PPFIBP2: variants seen among roughly 807,000 people sequenced by gnomAD.
The protein encoded by PPFIBP2 is liprin-beta-2.
PPFIBP2 carries 118 observed loss-of-function variants against 118.3 expected under a neutral mutation model. The ratio of observed to expected loss-of-function variants is 1.00; its 90% CI spans 0.86 to 1.16. PPFIBP2 has a LOEUF of 1.16. PPFIBP2 is among the 50% of genes most tolerant of loss of function. PPFIBP2 has a pLI of 0.00. For missense variants in PPFIBP2, 1,195 were observed against 1,073.1 expected (o/e 1.11, Z -1.59); for synonymous variants, 414 against 397.4 (o/e 1.04, Z -0.50).
intron 11 of PPFIBP2, chr11:7,632,510 T>C (rs1590711574): frequency 5.9e-6 from 1 of 168,574 alleles, no homozygotes. Flanking sequence ...AAGAATGTTT[T>C]TAAAAGAGTC....
intron 1 of PPFIBP2, among the ~76,000 whole-genome samples, chr11:7,547,120 G>C (rs1171355323): frequency 6.6e-6 from 1 of 152,232 alleles, no homozygotes; most frequent in Non-Finnish European, 1.5e-5. Flanking sequence ...CATAGAACAA[G>C]ATACTGTGGA....
At chr11:7,557,294 T>C (rs1157911115) in intron 2 of PPFIBP2, among the ~76,000 whole-genome samples, 2 of 152,104 alleles carry the variant, frequency 1.3e-5, no homozygotes, top group Admixed American at 1.3e-4. Context: ...TGCTTTCCTT[T>C]TCTTTAAGGT....
At chr11:7,626,546 C>T (rs750176945) in intron 8 of PPFIBP2, among the ~76,000 whole-genome samples, 5 of 152,192 alleles carry the variant, frequency 3.3e-5, no homozygotes, top group Non-Finnish European at 7.3e-5. Flanking sequence ...AAGAGCATAT[C>T]TACAAAGCCC....
intron 4 of PPFIBP2, among the ~76,000 whole-genome samples, chr11:7,596,142 CAT>C: frequency 6.6e-6 from 1 of 152,324 alleles, no homozygotes; most frequent in Admixed American, 6.5e-5. Context: ...ATCACCAACA[CAT>C]GGCCTCAAGG....
intron 17 of PPFIBP2, 130 bp downstream of exon 17, chr11:7,642,556 A>G (rs1852356307): frequency 2.9e-6 from 3 of 1,028,424 alleles, no homozygotes; most frequent in Non-Finnish European, 4.1e-6. Flanking sequence ...TCCCCAGTCA[A>G]GCAGTCCCTA....
chr11:7,665,991 G>C, the PPFIBP2 span: 17 of 1,317,642 alleles, frequency 1.3e-5, no homozygotes, highest in Non-Finnish European at 1.7e-5. Flanking sequence ...GCGCCTGTGG[G>C]GTGCTCTGTG....
chr11:7,665,357 C>A, the PPFIBP2 span: 2 of 1,485,414 alleles, frequency 1.3e-6, no homozygotes, highest in African/African-American at 1.4e-5. Flanking sequence ...TGCAAAATTG[C>A]TGAGCACGTG....
At position 7,652,970 on chromosome 11, in the gene PPFIBP2, A is replaced by G. The variant is rs1056697122; in HGVS notation, c.2437-54A>G. ...AAATTTTAAGTATATTGTCAGTCAT[A>G]CCTGCACACTGCCTTGATTGCCTTC... On this transcript the variant is annotated intron_variant, in intron 23 of 23. Coordinates refer to ENST00000299492, the MANE Select transcript of PPFIBP2 (RefSeq NM_003621.5). The G allele has an allele frequency of 3.2e-6, 5 of 1,548,490 alleles. No individual in the cohort carries two copies. The African/African-American group carries it at 6.8e-5, about 21-fold the overall frequency.
In PPFIBP2 at chr11:7,632,951, T is replaced by C. The variant is rs1224610031; in HGVS notation, c.1136+17T>C. 3.1e-6 allele frequency: 5 copies of C among 1,608,968 alleles called. No homozygotes were observed. The highest frequency in any genetic ancestry group is 4.3e-6 in the Non-Finnish European group (5 of 1,175,636). On this transcript the variant is annotated intron_variant, in intron 12 of 23. Transcript: ENST00000299492. ...GGAAACCAGGTAAGAGGCCTGGGCATTTCCCCACAGCCACTGTGCTCTCAG... is the reference window on the plus strand; with the variant it reads ...GGAAACCAGGTAAGAGGCCTGGGCACTTCCCCACAGCCACTGTGCTCTCAG...
rs551338064 is a variant in PPFIBP2 at position 7,526,482 on chromosome 11, T to C, written c.-37+12361T>C. 3.9e-4 allele frequency among the ~76,000 whole-genome samples: 59 copies of C among 152,270 alleles called. 1 individual carries two copies. In the South Asian group the frequency reaches 0.012, roughly 30 times the overall value. On this transcript the variant is annotated intron_variant, in intron 1 of 23. Coordinates refer to ENST00000299492, the MANE Select transcript of PPFIBP2 (RefSeq NM_003621.5). ...AAGAAGCTGGACTTTACCCTGTCGG[T>C]AGTGGGGAATAATTGGTGGCTTCTG...
intron 3 of PPFIBP2, among the ~76,000 whole-genome samples, chr11:7,587,607 T>C (rs1381406950): frequency 2.0e-5 from 3 of 152,222 alleles, no homozygotes; most frequent in Non-Finnish European, 4.4e-5. Context: ...CTCCAGTCTT[T>C]TTCTTGGCTT....
At chr11:7,534,027 A>G (rs895485651) in intron 1 of PPFIBP2, among the ~76,000 whole-genome samples, 2 of 152,250 alleles carry the variant, frequency 1.3e-5, no homozygotes, top group African/African-American at 4.8e-5. Context: ...AGCTTTTGCA[A>G]TCTGGCTGAG....
intron 6 of PPFIBP2, among the ~76,000 whole-genome samples, chr11:7,620,502 A>G (rs1240136715): frequency 2.6e-5 from 4 of 152,156 alleles, no homozygotes; most frequent in African/African-American, 7.2e-5. Flanking sequence ...CCCCTCTTCT[A>G]TCTTCCTTCA....
In PPFIBP2 at chr11:7,625,905, C is replaced by T; in HGVS notation, c.826+14C>T. 1 of 1,608,890 alleles carries T rather than the reference C, an allele frequency of 6.2e-7. No individual in the cohort carries two copies. Among genetic ancestry groups the T allele is most frequent in the Non-Finnish European group, 8.5e-7 (1 of 1,175,562 alleles). The stretch of plus-strand genomic sequence containing the variant: ...ACACAGAGAGAGGTGACTAGCTTGA[C>T]TCTGACAAAATGCAGTTGTCTGGGT... On this transcript the variant is annotated intron_variant, in intron 8 of 23. Transcript: ENST00000299492.
the PPFIBP2 span, among the ~76,000 whole-genome samples, chr11:7,663,139 C>T: frequency 7.6e-6 from 1 of 131,436 alleles, no homozygotes; most frequent in African/African-American, 2.5e-5. Context: ...AAGCCTTCTT[C>T]TCTCAGCTCG....
intron 23 of PPFIBP2, among the ~76,000 whole-genome samples, chr11:7,652,628 G>A (rs1854212403): frequency 6.6e-6 from 1 of 152,220 alleles, no homozygotes; most frequent in Non-Finnish European, 1.5e-5. Flanking sequence ...CCTTTAGATG[G>A]TGCCAGGTGC....
chr11:7,584,762 T>G (rs1857830117), intron 3 of PPFIBP2, among the ~76,000 whole-genome samples: 1 of 152,196 alleles, frequency 6.6e-6, no homozygotes, highest in Admixed American at 6.5e-5. Flanking sequence ...TTGGTCCCCT[T>G]ACTTTTAAGG....
At chr11:7,580,918 A>G (rs567227936) in intron 3 of PPFIBP2, among the ~76,000 whole-genome samples, 2 of 152,342 alleles carry the variant, frequency 1.3e-5, no homozygotes, top group East Asian at 1.9e-4. Flanking sequence ...GTTCTCTCCT[A>G]GAATTGCCTC....
chr11:7,566,038 T>A (rs890198011), intron 3 of PPFIBP2, among the ~76,000 whole-genome samples: 1 of 101,560 alleles, frequency 9.8e-6, no homozygotes, highest in Non-Finnish European at 1.9e-5. Flanking sequence ...CATTTAAGAT[T>A]TCACACACAC....
Sources: gnomAD v4.1 joint callset for allele counts (sites outside exome capture counted in the v4.1 genomes callset) on GRCh38, gnomAD v4.1.1 for gene constraint, MANE v1.5 for transcripts, NCBI Gene and HGNC (gene_info 2026-07-23, HGNC 2026-07-21) for gene names.